The following ATP8A2 variants were observed in gnomAD, a reference collection of about 807,000 sequenced individuals.
The protein encoded by ATP8A2 is ATPase phospholipid transporting 8A2, also known as phospholipid-transporting ATPase IB.
In ATP8A2, 100 loss-of-function variants were observed where a neutral mutation model predicts 165.6. That is an observed-to-expected ratio of 0.60 (90% CI 0.51 to 0.71). The LOEUF is 0.71. Among genes scored for constraint, ATP8A2 ranks in the 30% least tolerant of loss-of-function variants. The pLI is 0.00. For missense variants in ATP8A2, 1,227 were observed against 1,479.5 expected (o/e 0.83, Z 2.80); for synonymous variants, 543 against 548.8 (o/e 0.99, Z 0.15).
rs746314734 is a variant in ATP8A2 at position 25,961,563 on chromosome 13, T to C, written c.3184-12T>C. 1 of 1,604,706 alleles carries C rather than the reference T, an allele frequency of 6.2e-7. No homozygotes were observed. The highest frequency in any genetic ancestry group is 1.1e-5 in the South Asian group (1 of 90,838). On this transcript the variant is annotated splice_polypyrimidine_tract_variant and intron_variant, in intron 33 of 36. Transcript: ENST00000381655. ...AAAGTATTCAAGCAAGTGTCACTTCTATTTCTTGCAGGCAACTATGGTCCT... is the reference window on the plus strand; with the variant it reads ...AAAGTATTCAAGCAAGTGTCACTTCCATTTCTTGCAGGCAACTATGGTCCT...
intron 2 of ATP8A2, among the ~76,000 whole-genome samples, chr13:25,472,712 T>C (rs1369608492): frequency 6.6e-6 from 1 of 152,166 alleles, no homozygotes; most frequent in East Asian, 1.9e-4. Flanking sequence ...TAAATTGAGC[T>C]TTTTGAAAAG....
At chr13:25,576,106 A>G (rs1355396793) in intron 19 of ATP8A2, among the ~76,000 whole-genome samples, 1 of 152,214 alleles carries the variant, frequency 6.6e-6, no homozygotes. Flanking sequence ...AAACTGAAAC[A>G]CGGGTTTCAA....
chr13:25,570,448 C>T (rs2039433199), intron 16 of ATP8A2, among the ~76,000 whole-genome samples: 1 of 152,160 alleles, frequency 6.6e-6, no homozygotes, highest in South Asian at 2.1e-4. Flanking sequence ...AGCATGTGGG[C>T]AAGGCCGAGG....
In ATP8A2 at chr13:26,023,404, G is replaced by C. The variant is rs1393473429; in HGVS notation, c.*3419G>C. 1 of 152,106 alleles carries C rather than the reference G, an allele frequency of 6.6e-6. No individual in the cohort carries two copies. Among genetic ancestry groups the C allele is most frequent in the Non-Finnish European group, 1.5e-5 (1 of 68,040 alleles). 9.4% of individuals were successfully genotyped at this position (152,106 alleles called of 1,614,324 possible). On this transcript the variant is annotated 3_prime_UTR_variant, in exon 37 of 37. Coordinates refer to ENST00000381655, the MANE Select transcript of ATP8A2 (RefSeq NM_016529.6). ...ATTCTGTTGACATTTTCTTTCCCTTGACAAGGCTTCAGGTTCGTCTCACTA... is the reference window on the plus strand; with the variant it reads ...ATTCTGTTGACATTTTCTTTCCCTTCACAAGGCTTCAGGTTCGTCTCACTA...
At chr13:25,639,954 C>T (rs191242854) in intron 24 of ATP8A2, among the ~76,000 whole-genome samples, 5 of 152,322 alleles carry the variant, frequency 3.3e-5, no homozygotes, top group African/African-American at 1.2e-4. Context: ...GAAACTCATT[C>T]AAAACTGCTA....
At chr13:25,418,034 G>A (rs1319821269) in intron 1 of ATP8A2, among the ~76,000 whole-genome samples, 1 of 152,106 alleles carries the variant, frequency 6.6e-6, no homozygotes, top group African/African-American at 2.4e-5. Flanking sequence ...ATACCCATAT[G>A]TCCAATAAAC....
At chr13:25,928,757 T>C (rs1954683981) in intron 33 of ATP8A2, among the ~76,000 whole-genome samples, 1 of 152,188 alleles carries the variant, frequency 6.6e-6, no homozygotes, top group Admixed American at 6.5e-5. Context: ...GTCCCATGCC[T>C]CAGGCTGATG....
chr13:25,967,117 A>G (rs980072957), intron 34 of ATP8A2, among the ~76,000 whole-genome samples: 2 of 152,306 alleles, frequency 1.3e-5, no homozygotes, highest in African/African-American at 4.8e-5. Context: ...CACATGTTAC[A>G]TAATAATGAA....
At chr13:25,768,456 C>G (rs546679746) in intron 25 of ATP8A2, among the ~76,000 whole-genome samples, 2 of 152,114 alleles carry the variant, frequency 1.3e-5, no homozygotes, top group African/African-American at 4.8e-5. Context: ...CTCCCTGACT[C>G]CCATCCTAGA....
intron 1 of ATP8A2, among the ~76,000 whole-genome samples, chr13:25,435,341 G>A (rs890690107): frequency 1.3e-5 from 2 of 151,798 alleles, no homozygotes; most frequent in South Asian, 4.2e-4. Context: ...GGCTGGTCTC[G>A]AACTCCTAAC....
At chr13:25,825,774 A>C (rs1485955019) in intron 27 of ATP8A2, among the ~76,000 whole-genome samples, 2 of 152,110 alleles carry the variant, frequency 1.3e-5, no homozygotes, top group Non-Finnish European at 2.9e-5. Context: ...CTATTATTTG[A>C]ATAAATGTTG....
intron 33 of ATP8A2, among the ~76,000 whole-genome samples, chr13:25,951,114 C>G (rs963142415): frequency 6.6e-6 from 1 of 152,266 alleles, no homozygotes; most frequent in Non-Finnish European, 1.5e-5. Flanking sequence ...GATAGAGCAA[C>G]CCCACTCCCA....
intron 24 of ATP8A2, among the ~76,000 whole-genome samples, chr13:25,597,333 C>T (rs1250580920): frequency 6.6e-6 from 1 of 152,144 alleles, no homozygotes; most frequent in Non-Finnish European, 1.5e-5. Flanking sequence ...TGTGTGGAAC[C>T]TTTGACTTGA....
chr13:25,709,151 G>C (rs1462392588), intron 25 of ATP8A2, among the ~76,000 whole-genome samples: 1 of 152,086 alleles, frequency 6.6e-6, no homozygotes, highest in African/African-American at 2.4e-5. Context: ...CTCCCCAACC[G>C]TCCCATCAAA....
intron 33 of ATP8A2, among the ~76,000 whole-genome samples, chr13:25,914,601 GCTGATGTA>G (rs1954213406): frequency 6.6e-6 from 1 of 152,086 alleles, no homozygotes; most frequent in Non-Finnish European, 1.5e-5. Flanking sequence ...CATTCTCAAT[GCTGATGTA>G]CTGGTGTGGC....
rs554820290 is a variant in ATP8A2, at chr13:25,767,247, A to C, written c.2385-1799A>C. ...AATAGATACAGCTTAATATCCCTTC[A>C]TGTTAAAATTGCTTATGTGGAGTTG... On this transcript the variant is annotated intron_variant, in intron 25 of 36. Coordinates refer to ENST00000381655, the MANE Select transcript of ATP8A2 (RefSeq NM_016529.6). 1.2e-3 allele frequency among the ~76,000 whole-genome samples: 188 copies of C among 152,334 alleles called. 1 individual carries two copies. Among genetic ancestry groups the C allele is most frequent in the African/African-American group, 4.3e-3 (179 of 41,598 alleles).
At chr13:25,681,341 C>G (rs1286020136) in intron 24 of ATP8A2, among the ~76,000 whole-genome samples, 1 of 152,184 alleles carries the variant, frequency 6.6e-6, no homozygotes, top group Admixed American at 6.5e-5. Context: ...GGGATTAATG[C>G]TAACGTTTTA....
intron 24 of ATP8A2, among the ~76,000 whole-genome samples, chr13:25,619,078 G>A (rs1371925537): frequency 6.6e-6 from 1 of 152,156 alleles, no homozygotes; most frequent in Non-Finnish European, 1.5e-5. Context: ...GAGAGTAAGG[G>A]ATTCTCAGGT....
intron 30 of ATP8A2, among the ~76,000 whole-genome samples, chr13:25,854,685 G>T (rs1469362201): frequency 2.0e-5 from 3 of 152,104 alleles, no homozygotes; most frequent in Non-Finnish European, 2.9e-5. Flanking sequence ...GGCCTGCATT[G>T]TTCAATAGCA....
Sources: allele counts gnomAD v4.1 joint callset (sites outside exome capture counted in the v4.1 genomes callset), GRCh38; gene constraint gnomAD v4.1.1; transcripts MANE v1.5; gene names NCBI Gene and HGNC (gene_info 2026-07-23, HGNC 2026-07-21).